Variants in CDK2AP1 observed in about 807,000 individuals in gnomAD.
The protein encoded by CDK2AP1 is cyclin-dependent kinase 2-associated protein 1.
In CDK2AP1, 10 loss-of-function variants were observed where a neutral mutation model predicts 14.1. The observed-to-expected ratio is 0.71, with a 90% CI of 0.44 to 1.20. The LOEUF (loss-of-function observed/expected upper bound fraction) is 1.20, where lower values mean the gene tolerates loss of function less well. Among genes scored for constraint, CDK2AP1 ranks in the 50% most tolerant of loss-of-function variants. CDK2AP1 has a pLI of 0.00. For missense variants in CDK2AP1, 102 were observed against 149.9 expected, an observed-to-expected ratio of 0.68 and a Z score of 1.67; for synonymous variants, 59 against 59.8, an observed-to-expected ratio of 0.99 and a Z score of 0.06.
intron 1 of CDK2AP1, among the ~76,000 whole-genome samples, chr12:123,268,883 G>A (rs912303044): frequency 3.3e-5 from 5 of 152,176 alleles, no homozygotes; most frequent in African/African-American, 9.7e-5. Flanking sequence ...ATGGCATGGC[G>A]AACACAGGCT....
At position 123,271,551 on chromosome 12, in the gene CDK2AP1, G is replaced by A. The variant is rs779420753; in HGVS notation, c.55+13C>T. The A allele has an allele frequency of 5.0e-6, 5 of 1,001,192 alleles. No individual in the cohort carries two copies. In the East Asian group the frequency reaches 4.2e-4, roughly 85 times the overall value. 62.0% of individuals were successfully genotyped at this position (1,001,192 alleles called of 1,614,324 possible). ...TGGCGGCGCTTGGGGCGCGTCGCAC[G>A]CGGCTCACTCACCGGCGTTGAGGGC... On this transcript the variant is annotated intron_variant, in intron 1 of 3. Transcript: ENST00000261692.
chr12:123,266,682 T>C (rs1329080116), intron 2 of CDK2AP1, among the ~76,000 whole-genome samples: 1 of 152,210 alleles, frequency 6.6e-6, no homozygotes, highest in Non-Finnish European at 1.5e-5. Context: ...GGTCACAGTC[T>C]GGAAAGTGGT....
intron 3 of CDK2AP1, among the ~76,000 whole-genome samples, chr12:123,263,381 AG>A (rs1205576648): frequency 6.6e-6 from 1 of 152,160 alleles, no homozygotes; most frequent in Non-Finnish European, 1.5e-5. Flanking sequence ...CTGTTGGCCA[AG>A]GGGTAGCACT....
At chr12:123,270,712 G>A (rs1039726581) in intron 1 of CDK2AP1, among the ~76,000 whole-genome samples, 1 of 152,000 alleles carries the variant, frequency 6.6e-6, no homozygotes, top group African/African-American at 2.4e-5. Context: ...CCCGGCTGCG[G>A]CCGCAGCCCC....
intron 1 of CDK2AP1, among the ~76,000 whole-genome samples, chr12:123,268,546 C>T (rs2048321876): frequency 6.6e-6 from 1 of 152,260 alleles, no homozygotes; most frequent in South Asian, 2.1e-4. Flanking sequence ...AGTCTCAGGC[C>T]AGCCCTGGAT....
In CDK2AP1 at chr12:123,261,642, A is replaced by G; in HGVS notation, c.*94T>C. The stretch of plus-strand genomic sequence containing the variant: ...TGGGAGGAAAAACGAAACTGTAACC[A>G]TTTTGAAAACAAGGGTTTCATCTGA... On this transcript the variant is annotated 3_prime_UTR_variant, in exon 4 of 4. Coordinates refer to ENST00000261692, the MANE Select transcript of CDK2AP1 (RefSeq NM_004642.4). The G allele has an allele frequency of 9.4e-7, 1 of 1,059,562 alleles. No individual in the cohort carries two copies. Among genetic ancestry groups the G allele is most frequent in the Admixed American group, 1.8e-5 (1 of 56,322 alleles). The allele number at this position is 1,059,562 out of a possible 1,614,324, so 65.6% of individuals were successfully genotyped here.
rs1167157405 is a variant in CDK2AP1, at chr12:123,264,462, C to CAAAAAAAAAAAAAAAAA, written c.280+717_280+733dup. ...GCAACAAGAGTAAAACTCCGTCTCC[C>CAAAAAAAAAAAAAAAAA]AAAAAAAAAAAAAAAAAAAAAAAAA... On this transcript the variant is annotated intron_variant, in intron 3 of 3. Transcript: ENST00000261692. Among the ~76,000 whole-genome samples the CAAAAAAAAAAAAAAAAA allele has an allele frequency of 3.3e-4, 23 of 69,858 alleles. 1 individual carries two copies. The highest frequency in any genetic ancestry group is 6.5e-4 in the African/African-American group (9 of 13,900). 45.8% of individuals were successfully genotyped at this position (69,858 alleles called of 152,430 possible). A position where few individuals can be genotyped will look rare whatever the true frequency, so the allele number is the denominator to read the frequency against.
At chr12:123,268,584 C>G (rs572498449) in intron 1 of CDK2AP1, among the ~76,000 whole-genome samples, 57 of 152,370 alleles carry the variant, frequency 3.7e-4, no homozygotes, top group African/African-American at 1.3e-3. Context: ...GGGTTATGCT[C>G]CAGCTTGGGC....
intron 1 of CDK2AP1, chr12:123,270,889 T>A: frequency 1.0e-6 from 1 of 984,638 alleles, no homozygotes; most frequent in Non-Finnish European, 1.2e-6. Flanking sequence ...GCGCTCACCT[T>A]ACGGGGGTCC....
At chr12:123,270,184 C>T (rs2048341100) in intron 1 of CDK2AP1, 1 of 983,434 alleles carries the variant, frequency 1.0e-6, no homozygotes, top group Non-Finnish European at 1.2e-6. Context: ...TACCTGGCAA[C>T]AAAGCCCGTC....
chr12:123,271,516 AC>A lies in CDK2AP1; in HGVS notation c.55+47del. ...CCCCGGGCCGGGGCCGGGCGCGCGG[AC>A]CCCCAACTTGGCGGCGCTTGGGGCG... On this transcript the variant is annotated intron_variant, in intron 1 of 3. Transcript: ENST00000261692. 3.1e-6 allele frequency: 3 copies of A among 975,470 alleles called. No homozygotes were observed. The South Asian group carries it at 1.4e-4, about 45-fold the overall frequency. 60.4% of individuals were successfully genotyped at this position (975,470 alleles called of 1,614,324 possible).
intron 1 of CDK2AP1, chr12:123,267,537 C>T (rs1050182598): frequency 2.3e-6 from 1 of 442,208 alleles, no homozygotes; most frequent in Admixed American, 3.5e-5. Flanking sequence ...CCAGAACCTT[C>T]CAAGCAGCAG....
chr12:123,267,247 T>A lies in CDK2AP1; in HGVS notation c.91A>T (p.Thr31Ser), dbSNP rs772638742. 2.5e-6 allele frequency: 4 copies of A among 1,613,258 alleles called. No individual in the cohort carries two copies. The African/African-American group carries it at 4.0e-5, about 16-fold the overall frequency. Residue 31 changes from threonine (T) to serine (S), a missense_variant, in exon 2 of 4, where the codon ACG becomes TCG. Thr to Ser is a moderately conservative substitution (Grantham distance 58). Coordinates refer to ENST00000261692, the MANE Select transcript of CDK2AP1 (RefSeq NM_004642.4). ...SVHSPSTSMATSSQYRQLLSD... is the reference protein window; with the variant it reads ...SVHSPSTSMASSSQYRQLLSD... The stretch of plus-strand genomic sequence containing the variant: ...AGCAGCTGGCGGTACTGTGAAGACG[T>A]TGCCATGCTGGTGGAAGGCGAGTGG...
At chr12:123,268,486 G>T (rs1041739786) in intron 1 of CDK2AP1, among the ~76,000 whole-genome samples, 2 of 152,254 alleles carry the variant, frequency 1.3e-5, no homozygotes, top group African/African-American at 4.8e-5. Flanking sequence ...CAGCTACCCC[G>T]GCACCTGCCC....
At chr12:123,262,942 G>A (rs1346295219) in intron 3 of CDK2AP1, among the ~76,000 whole-genome samples, 5 of 151,598 alleles carry the variant, frequency 3.3e-5, no homozygotes, top group South Asian at 2.1e-4. Flanking sequence ...TGCCTGTCGC[G>A]GTGGCTCACA....
intron 3 of CDK2AP1, among the ~76,000 whole-genome samples, chr12:123,262,951 C>A (rs1199928916): frequency 6.6e-6 from 1 of 151,908 alleles, no homozygotes; most frequent in African/African-American, 2.4e-5. Flanking sequence ...CGGTGGCTCA[C>A]ACCTGTAATC....
intron 3 of CDK2AP1, chr12:123,262,182 CG>C (rs1207111277): frequency 5.6e-6 from 1 of 178,666 alleles, no homozygotes; most frequent in Non-Finnish European, 1.2e-5. Context: ...GCTTGACCGG[CG>C]TAAGTAAGCA....
intron 1 of CDK2AP1, chr12:123,270,191 C>T (rs2048341163): frequency 2.0e-6 from 2 of 983,554 alleles, no homozygotes; most frequent in Non-Finnish European, 1.2e-6. Flanking sequence ...CAACAAAGCC[C>T]GTCTTTGTAA....
At chr12:123,270,791 C>A in intron 1 of CDK2AP1, 1 of 976,642 alleles carries the variant, frequency 1.0e-6, no homozygotes. Context: ...CTTGGGGGCT[C>A]CCAGATGGGG....
Sources: allele counts gnomAD v4.1 joint callset (sites outside exome capture counted in the v4.1 genomes callset), GRCh38; gene constraint gnomAD v4.1.1; transcripts MANE v1.5; gene names NCBI Gene and HGNC (gene_info 2026-07-23, HGNC 2026-07-21).